Variants in RNASE1 observed in about 807,000 individuals in gnomAD.
RNASE1 encodes ribonuclease pancreatic.
For synonymous variants in RNASE1, 64 were observed against 78.6 expected, an observed-to-expected ratio of 0.81 and a Z score of 0.98; for missense variants, 203 against 201.0, an observed-to-expected ratio of 1.01 and a Z score of -0.06.
Position 20,802,026 on chromosome 14 carries a change from G to A in RNASE1, c.43C>T (p.Leu15=). ...ACCCAGCCCAGCACCAGCAGTATCA[G>A]GACAAGCAGAAGGAGCCGGACAAGA... ...KSLVRLLLLV[L]ILLVLGWVQP... The change falls in exon 2 of 2, where the codon CTG becomes TTG. Residue 15 remains leucine (L), a synonymous_variant. Transcript: ENST00000397967. 1 of 1,606,208 alleles carries A rather than the reference G, an allele frequency of 6.2e-7. No homozygotes were observed. The highest frequency in any genetic ancestry group is 1.3e-5 in the African/African-American group (1 of 75,012).
At position 20,801,888 on chromosome 14, in the gene RNASE1, G is replaced by A. The variant is rs1466238780; in HGVS notation, c.181C>T (p.Arg61Trp). Residue 61 changes from arginine to tryptophan, a missense_variant, in exon 2 of 2, where the codon CGG (arginine) becomes TGG (tryptophan). Coordinates refer to ENST00000397967, the MANE Select transcript of RNASE1 (RefSeq NM_002933.5). ...TTGCACCGCCCCTGTGTCATATTCC[G>A]GCGCCTCATCATTTGGTTACAGTAG... is the stretch of plus-strand genomic sequence containing the variant. Reference protein sequence around the residue: ...STYCNQMMRRRNMTQGRCKPV... With the variant: ...STYCNQMMRRWNMTQGRCKPV... 6.2e-6 allele frequency: 10 copies of A among 1,613,974 alleles called. No homozygotes were observed. The Admixed American group carries it at 8.3e-5, about 13-fold the overall frequency.
In RNASE1 at chr14:20,801,475, C is replaced by T; in HGVS notation, c.*123G>A. On this transcript the variant is annotated 3_prime_UTR_variant, in exon 2 of 2. Coordinates refer to ENST00000397967, the MANE Select transcript of RNASE1 (RefSeq NM_002933.5). ...AGGGATGGGACTCAGGAAAGGGAAGCATGTGTGTGTTGAATAGGAGCCCTA... is the reference window on the plus strand; with the variant it reads ...AGGGATGGGACTCAGGAAAGGGAAGTATGTGTGTGTTGAATAGGAGCCCTA... 1.2e-6 allele frequency: 1 copy of T among 811,866 alleles called. No homozygotes were observed. The highest frequency in any genetic ancestry group is 2.0e-6 in the Non-Finnish European group (1 of 500,682). The allele number at this position is 811,866 out of a possible 1,614,324, so 50.3% of individuals were successfully genotyped here. A position where few individuals can be genotyped will look rare whatever the true frequency, so the allele number is the denominator to read the frequency against.
rs1566374084 is a variant in RNASE1 at position 20,801,411 on chromosome 14, G to T, written c.*187C>A. On this transcript the variant is annotated 3_prime_UTR_variant, in exon 2 of 2. Transcript: ENST00000397967. Reference sequence around the variant, plus strand: ...GAAAGAGTGGAGGGGTTAACATGGGGCCCACCTCACAACCCACTCTTCACC... The same window carrying T: ...GAAAGAGTGGAGGGGTTAACATGGGTCCCACCTCACAACCCACTCTTCACC... The T allele has an allele frequency of 1.7e-6, 1 of 602,994 alleles. No homozygotes were observed. The highest frequency in any genetic ancestry group is 3.0e-6 in the Non-Finnish European group (1 of 338,790). The allele number at this position is 602,994 out of a possible 1,614,324, so 37.4% of individuals were successfully genotyped here.
At position 20,801,542 on chromosome 14, in the gene RNASE1, A is replaced by T; in HGVS notation, c.*56T>A. On this transcript the variant is annotated 3_prime_UTR_variant, in exon 2 of 2. Transcript: ENST00000397967. ...TCACAGCAGGGAAGGAAGAGGGAAG[A>T]GGCAGCTGTGGAGAGGATGAGGTTG... The T allele has an allele frequency of 1.4e-6, 2 of 1,412,880 alleles. No individual in the cohort carries two copies. The highest frequency in any genetic ancestry group is 1.4e-5 in the African/African-American group (1 of 71,020). 87.5% of individuals were successfully genotyped at this position (1,412,880 alleles called of 1,614,324 possible).
chr14:20,802,481 A>G, intron 1 of RNASE1: 1 of 171,700 alleles, frequency 5.8e-6, no homozygotes, highest in Non-Finnish European at 1.3e-5. Flanking sequence ...CATGGGTGAC[A>G]GAGCCTTGTT....
At chr14:20,802,170 GT>G in intron 1 of RNASE1, 77 bp from the exon 2 acceptor site, 1 of 917,400 alleles carries the variant, frequency 1.1e-6, no homozygotes, top group Non-Finnish European at 1.6e-6. Context: ...GGCTTGCCTG[GT>G]TTACACTTTC....
At chr14:20,802,758 G>C (rs1879461572) in intron 1 of RNASE1, 39 bp downstream of exon 1, 1 of 152,260 alleles carries the variant, frequency 6.6e-6, no homozygotes, top group Non-Finnish European at 1.5e-5. Flanking sequence ...CAACCCTGAA[G>C]CAGAAGCGGC....
chr14:20,802,204 C>T (rs993444085), intron 1 of RNASE1, 111 bp from the exon 2 acceptor site: 3 of 678,386 alleles, frequency 4.4e-6, no homozygotes, highest in African/African-American at 3.6e-5. Context: ...GCCAGAAAGA[C>T]GTCCATCCTA....
rs374911691 is a variant in RNASE1 at position 20,801,561 on chromosome 14, G to A, written c.*37C>T. Reference sequence around the variant, plus strand: ...GGGAAGAGGCAGCTGTGGAGAGGATGAGGTTGAGGGAGGTGGGGTATCTCG... The same window carrying A: ...GGGAAGAGGCAGCTGTGGAGAGGATAAGGTTGAGGGAGGTGGGGTATCTCG... On this transcript the variant is annotated 3_prime_UTR_variant, in exon 2 of 2. Transcript: ENST00000397967. 6 of 1,543,516 alleles carry A rather than the reference G, an allele frequency of 3.9e-6. No homozygotes were observed. In the African/African-American group the frequency reaches 6.8e-5, roughly 17 times the overall value.
In RNASE1 at chr14:20,801,358, AG is replaced by A; in HGVS notation, c.*239del. 3.6e-6 allele frequency: 2 copies of A among 553,726 alleles called. No individual in the cohort carries two copies. Among genetic ancestry groups the A allele is most frequent in the South Asian group, 4.7e-5 (2 of 43,010 alleles). The allele number at this position is 553,726 out of a possible 1,614,324, so 34.3% of individuals were successfully genotyped here. On this transcript the variant is annotated 3_prime_UTR_variant, in exon 2 of 2. Coordinates refer to ENST00000397967, the MANE Select transcript of RNASE1 (RefSeq NM_002933.5). ...CCTAGACAGAACCGCTTCAGAAATCAGGTGTTTGCAACTGCGTTTTATTGAA... is the reference window on the plus strand; with the variant it reads ...CCTAGACAGAACCGCTTCAGAAATCAGTGTTTGCAACTGCGTTTTATTGAA...
At chr14:20,802,750 A>C (rs1261691236) in intron 1 of RNASE1, 47 bp downstream of exon 1, 2 of 152,134 alleles carry the variant, frequency 1.3e-5, no homozygotes. Flanking sequence ...CTCTTCTGCA[A>C]CCCTGAAGCA....
Position 20,801,831 on chromosome 14 carries a change from C to G in RNASE1, c.238G>C (p.Val80Leu), listed in dbSNP as rs142457376. ...TGGAAACAGACATTCTGGACATCTA[C>G]CAGGGGCTCGTGCACAAAGGTGTTC... ...PVNTFVHEPLVDVQNVCFQEK... is the reference protein window; with the variant it reads ...PVNTFVHEPLLDVQNVCFQEK... The change falls in exon 2 of 2, where the codon GTA becomes CTA. Residue 80 changes from valine to leucine, a missense_variant. Transcript: ENST00000397967. The G allele has an allele frequency of 8.5e-4, 1,372 of 1,614,200 alleles. 8 individuals are homozygous for G. In the Middle Eastern group the frequency reaches 0.011, roughly 12 times the overall value.
Position 20,801,508 on chromosome 14 carries a change from T to A in RNASE1, c.*90A>T, listed in dbSNP as rs1879385190. ...TGTTGAATAGGAGCCCTAACTGTAG[T>A]TACTTCTTTCACAGCAGGGAAGGAA... On this transcript the variant is annotated 3_prime_UTR_variant, in exon 2 of 2. Transcript: ENST00000397967. 9.2e-7 allele frequency: 1 copy of A among 1,090,996 alleles called. No homozygotes were observed. Among genetic ancestry groups the A allele is most frequent in the Non-Finnish European group, 1.4e-6 (1 of 728,986 alleles). The allele number at this position is 1,090,996 out of a possible 1,614,324, so 67.6% of individuals were successfully genotyped here. A position where few individuals can be genotyped will look rare whatever the true frequency, so the allele number is the denominator to read the frequency against.
chr14:20,802,459 G>A (rs1047689026), intron 1 of RNASE1: 6 of 175,136 alleles, frequency 3.4e-5, no homozygotes, highest in Non-Finnish European at 6.2e-5. Context: ...TTGTATCCCC[G>A]ACATCCAGGG....
intron 1 of RNASE1, 138 bp from the exon 2 acceptor site, chr14:20,802,231 G>A (rs539177281): frequency 2.2e-4 from 137 of 618,046 alleles, no homozygotes; most frequent in African/African-American, 3.7e-5. Context: ...GAGGTTTTTC[G>A]TGTAATGAGA....
In RNASE1 at chr14:20,801,690, T is replaced by C. The variant is rs555113365; in HGVS notation, c.379A>G (p.Thr127Ala). 4.8e-4 allele frequency: 771 copies of C among 1,614,142 alleles called. 11 individuals are homozygous for C. The South Asian group carries it at 8.1e-3, about 17-fold the overall frequency. Residue 127 changes from threonine to alanine, a missense_variant, in exon 2 of 2, where the codon ACC becomes GCC. Coordinates refer to ENST00000397967, the MANE Select transcript of RNASE1 (RefSeq NM_002933.5). ...GSRYPNCAYRTSPKERHIIVA... is the reference protein window; with the variant it reads ...GSRYPNCAYRASPKERHIIVA... ...ATGATGTGTCTCTCCTTCGGGCTGG[T>C]CCGGTATGCACAGTTGGGGTACCTG...
Position 20,802,107 on chromosome 14 carries a change from G to C in RNASE1, c.-25-14C>G, listed in dbSNP as rs367591111. The C allele has an allele frequency of 2.3e-5, 33 of 1,452,236 alleles. No homozygotes were observed. In the African/African-American group the frequency reaches 3.7e-4, roughly 16 times the overall value. The allele number at this position is 1,452,236 out of a possible 1,614,324, so 90.0% of individuals were successfully genotyped here. ...TCCCAGAAAAGCCTAATTGAGAAAAGGAGAGAGAAGGAAAAGAGCCCTCTT... is the reference window on the plus strand; with the variant it reads ...TCCCAGAAAAGCCTAATTGAGAAAACGAGAGAGAAGGAAAAGAGCCCTCTT... On this transcript the variant is annotated splice_polypyrimidine_tract_variant and intron_variant, in intron 1 of 1. Coordinates refer to ENST00000397967, the MANE Select transcript of RNASE1 (RefSeq NM_002933.5).
intron 1 of RNASE1, 32 bp from the exon 2 acceptor site, chr14:20,802,125 G>C (rs1347575708): frequency 7.4e-7 from 1 of 1,353,438 alleles, no homozygotes; most frequent in Admixed American, 2.7e-5. Flanking sequence ...AAGGAAAAGA[G>C]CCCTCTTAGA....
In RNASE1 at chr14:20,802,144, T is replaced by A; in HGVS notation, c.-25-51A>T. The A allele has an allele frequency of 8.8e-6, 10 of 1,140,376 alleles. No individual in the cohort carries two copies. In the South Asian group the frequency reaches 1.6e-4, roughly 19 times the overall value. The allele number at this position is 1,140,376 out of a possible 1,614,324, so 70.6% of individuals were successfully genotyped here. A position where few individuals can be genotyped will look rare whatever the true frequency, so the allele number is the denominator to read the frequency against. On this transcript the variant is annotated intron_variant, in intron 1 of 1. Coordinates refer to ENST00000397967, the MANE Select transcript of RNASE1 (RefSeq NM_002933.5). ...AAAAGAGCCCTCTTAGAAAAAGAAC[T>A]CCAGCTCCCACCTATGGCTTGCCTG...
Sources: gnomAD v4.1 joint callset for allele counts on GRCh38, gnomAD v4.1.1 for gene constraint, MANE v1.5 for transcripts, NCBI Gene and HGNC (gene_info 2026-07-23, HGNC 2026-07-21) for gene names.